Variants in CCNT1 observed in about 807,000 individuals in gnomAD.
The protein encoded by CCNT1 is cyclin-T1.
CCNT1 carries 18 observed loss-of-function variants against 67.3 expected under a neutral mutation model. The ratio of observed to expected loss-of-function variants is 0.27; its 90% confidence interval spans 0.18 to 0.40. The LOEUF is 0.40. Ranked by LOEUF, CCNT1 falls within the 10% of genes least tolerant of loss-of-function variation. The pLI is 1.00. For synonymous variants in CCNT1, 333 were observed against 310.3 expected (o/e 1.07, Z -0.77); for missense variants, 744 against 884.9 (o/e 0.84, Z 2.02).
chr12:48,697,752 G>A lies in CCNT1; in HGVS notation c.542+386C>T, dbSNP rs1220770291. ...GAGAATGGTGTAAACCTGGAAGGTGGAGCTTGCAGTGAGCTGATATTGTGC... is the reference window on the plus strand; with the variant it reads ...GAGAATGGTGTAAACCTGGAAGGTGAAGCTTGCAGTGAGCTGATATTGTGC... On this transcript the variant is annotated intron_variant, in intron 6 of 8. Transcript: ENST00000261900. Among the ~76,000 whole-genome samples, 24 of 146,312 alleles carry A rather than the reference G, an allele frequency of 1.6e-4. No individual in the cohort carries two copies. In the South Asian group the frequency reaches 4.9e-3, roughly 30 times the overall value.
At position 48,693,423 on chromosome 12, in the gene CCNT1, G is replaced by A. The variant is rs767760287; in HGVS notation, c.1791C>T (p.Ser597=). The part of the protein sequence containing the change: ...HPAKIAKSTK[S]SSLNFSFPSL... ...AAGGGAAGGAGAAATTTAGGGAAGAGGATTTAGTACTCTTGGCAATCTTGG... is the reference window on the plus strand; with the variant it reads ...AAGGGAAGGAGAAATTTAGGGAAGAAGATTTAGTACTCTTGGCAATCTTGG... Residue 597 remains serine (S), a synonymous_variant, in exon 9 of 9, where the codon TCC becomes TCT. Transcript: ENST00000261900. 332 of 1,614,066 alleles carry A rather than the reference G, an allele frequency of 2.1e-4. No individual in the cohort carries two copies. The highest frequency in any genetic ancestry group is 2.7e-4 in the Non-Finnish European group (319 of 1,180,042).
chr12:48,695,861 TGAGAGAAACAGAA>T lies in CCNT1; in HGVS notation c.707-45_707-33del, dbSNP rs1334136114. On this transcript the variant is annotated intron_variant, in intron 7 of 8. Coordinates refer to ENST00000261900, the MANE Select transcript of CCNT1 (RefSeq NM_001240.4). Reference sequence around the variant, plus strand: ...GTAAAACAGAACATTCAAGAAAGACTGAGAGAAACAGAAGTAATGAAACAAGAATAACCTGAAC... The same window carrying T: ...GTAAAACAGAACATTCAAGAAAGACTGTAATGAAACAAGAATAACCTGAAC... The T allele has an allele frequency of 1.9e-6, 3 of 1,556,268 alleles. No individual in the cohort carries two copies. The East Asian group carries it at 6.7e-5, about 35-fold the overall frequency.
At chr12:48,713,852 C>G (rs1051261605) in intron 2 of CCNT1, among the ~76,000 whole-genome samples, 1 of 152,102 alleles carries the variant, frequency 6.6e-6, no homozygotes, top group Non-Finnish European at 1.5e-5. Flanking sequence ...TAATGTTACT[C>G]CTCCAACCCC....
Position 48,714,507 on chromosome 12 carries a change from T to TTGATA in CCNT1, c.174_178dup (p.Asn60IlefsTer6). 1 of 1,609,338 alleles carries TTGATA rather than the reference T, an allele frequency of 6.2e-7. No homozygotes were observed. Among genetic ancestry groups the TTGATA allele is most frequent in the Non-Finnish European group, 8.5e-7 (1 of 1,175,834 alleles). ...TCGATGCATGTATACTATAGCAGTG[T>TTGATA]TGATAGTCAATTGTGAGCTGAAGTG... On this transcript the variant is annotated frameshift_variant, in exon 2 of 9. Coordinates refer to ENST00000261900, the MANE Select transcript of CCNT1 (RefSeq NM_001240.4). LOFTEE classifies it high-confidence loss of function.
At chr12:48,709,214 G>C (rs1212078975) in intron 2 of CCNT1, among the ~76,000 whole-genome samples, 1 of 152,112 alleles carries the variant, frequency 6.6e-6, no homozygotes, top group African/African-American at 2.4e-5. Flanking sequence ...CTAAATTATG[G>C]CACCACTGCA....
intron 1 of CCNT1, among the ~76,000 whole-genome samples, chr12:48,715,440 G>C (rs909501285): frequency 1.3e-5 from 2 of 152,014 alleles, no homozygotes; most frequent in Non-Finnish European, 2.9e-5. Flanking sequence ...AAATATGTGG[G>C]AGAGGTTACC....
chr12:48,695,692 G>A, intron 8 of CCNT1, 67 bp downstream of exon 8: 1 of 1,033,334 alleles, frequency 9.7e-7, no homozygotes, highest in South Asian at 1.3e-5. Flanking sequence ...ATTCAATACT[G>A]GTATATTCAC....
intron 5 of CCNT1, among the ~76,000 whole-genome samples, chr12:48,698,738 A>T (rs111471146): frequency 1.3e-5 from 2 of 152,328 alleles, no homozygotes; most frequent in Non-Finnish European, 2.9e-5. Context: ...TGGGCGGATC[A>T]CCTGAGGTCC....
chr12:48,714,380 A>G, intron 2 of CCNT1, 63 bp downstream of exon 2: 1 of 1,042,290 alleles, frequency 9.6e-7, no homozygotes, highest in Non-Finnish European at 1.5e-6. Context: ...ACCAACCACA[A>G]ATGGAATAGG....
intron 2 of CCNT1, among the ~76,000 whole-genome samples, chr12:48,712,579 TAAAAAAAAAAAAAAATAAA>T (rs1169539834): frequency 0.036 from 1,188 of 32,882 alleles, 22 homozygotes; most frequent in Middle Eastern, 0.15. Context: ...ATCTTTTCCT[TAAAAAAAAAAAAAAATAAA>T]AAAAAAAAAA....
At chr12:48,698,219 G>A in intron 5 of CCNT1, 36 bp from the exon 6 acceptor site, 2 of 1,199,778 alleles carry the variant, frequency 1.7e-6, no homozygotes, top group Admixed American at 2.2e-5. Context: ...GGTGGGGGAG[G>A]AAAAAAGTTA....
At position 48,693,473 on chromosome 12, in the gene CCNT1, C is replaced by T. The variant is rs965962764; in HGVS notation, c.1741G>A (p.Gly581Arg). 3.7e-6 allele frequency: 6 copies of T among 1,614,230 alleles called. No individual in the cohort carries two copies. The highest frequency in any genetic ancestry group is 5.1e-6 in the Non-Finnish European group (6 of 1,180,040). ...TRKRGPSEETGGAVFDHPAKI... is the reference protein window; with the variant it reads ...TRKRGPSEETRGAVFDHPAKI... ...GCTGGATGATCAAACACAGCCCCTC[C>T]AGTCTCTTCAGAGGGTCCCCTTTTA... The change falls in exon 9 of 9, where the codon GGA becomes AGA. Residue 581 changes from glycine (G) to arginine (R), a missense_variant. Around this residue, in one of 3 missense-constraint regions of CCNT1, gnomAD observed 564 missense variants for 574.2 expected, o/e 0.98. Coordinates refer to ENST00000261900, the MANE Select transcript of CCNT1 (RefSeq NM_001240.4).
At chr12:48,709,917 G>A (rs1940422692) in intron 2 of CCNT1, among the ~76,000 whole-genome samples, 1 of 148,788 alleles carries the variant, frequency 6.7e-6, no homozygotes. Context: ...TTGAGATGGA[G>A]TCTCACTCTG....
intron 3 of CCNT1, among the ~76,000 whole-genome samples, chr12:48,704,201 T>C (rs1443082581): frequency 6.6e-6 from 1 of 152,242 alleles, no homozygotes; most frequent in Non-Finnish European, 1.5e-5. Context: ...TTAGTATACC[T>C]GTGCTTCAGT....
rs188018247 is a variant in CCNT1, at chr12:48,714,317, T to G, written c.243+126A>C. 4.8e-6 allele frequency: 3 copies of G among 624,886 alleles called. No homozygotes were observed. In the Admixed American group the frequency reaches 7.5e-5, roughly 16 times the overall value. The allele number at this position is 624,886 out of a possible 1,614,324, so 38.7% of individuals were successfully genotyped here. On this transcript the variant is annotated intron_variant, in intron 2 of 8. Coordinates refer to ENST00000261900, the MANE Select transcript of CCNT1 (RefSeq NM_001240.4). ...TTCAGAACAGCAACACAGCACATAA[T>G]GGAAGTGATCAACCCTAAATTCTAA...
At position 48,712,055 on chromosome 12, in the gene CCNT1, A is replaced by C. The variant is rs143820843; in HGVS notation, c.243+2388T>G. 3.2e-3 allele frequency among the ~76,000 whole-genome samples: 488 copies of C among 152,180 alleles called. 2 individuals carry two copies. The highest frequency in any genetic ancestry group is 0.011 in the African/African-American group (447 of 41,512). ...GTGATCCGCCCATCTTGGCCTCCCA[A>C]AGTGCTGGGATTACAGGCGTTGAGC... On this transcript the variant is annotated intron_variant, in intron 2 of 8. Transcript: ENST00000261900.
At chr12:48,712,803 G>A (rs182909826) in intron 2 of CCNT1, among the ~76,000 whole-genome samples, 1 of 151,894 alleles carries the variant, frequency 6.6e-6, no homozygotes, top group East Asian at 2.0e-4. Flanking sequence ...AGCCAGGTGT[G>A]GTGGCACATG....
chr12:48,703,301 T>C (rs1182072478), intron 3 of CCNT1, among the ~76,000 whole-genome samples: 1 of 151,006 alleles, frequency 6.6e-6, no homozygotes. Context: ...TGGCTGGACA[T>C]GGTGGCTCAC....
intron 2 of CCNT1, among the ~76,000 whole-genome samples, chr12:48,709,701 A>T (rs966050446): frequency 6.6e-6 from 1 of 152,170 alleles, no homozygotes; most frequent in African/African-American, 2.4e-5. Context: ...GCATAGCAAG[A>T]TATGATTTTT....
Sources: allele counts gnomAD v4.1 joint callset (sites outside exome capture counted in the v4.1 genomes callset), GRCh38; gene constraint gnomAD v4.1.1; regional missense constraint gnomAD v4.1.1; transcripts MANE v1.5; gene names NCBI Gene and HGNC (gene_info 2026-07-23, HGNC 2026-07-21).